UNC5C: variants seen among roughly 807,000 people sequenced by gnomAD.
The protein encoded by UNC5C is unc-5 netrin receptor C, also known as netrin receptor UNC5C.
UNC5C carries 47 observed loss-of-function variants against 99.8 expected under a neutral mutation model. The ratio of observed to expected loss-of-function variants is 0.47; its 90% CI spans 0.37 to 0.60. The LOEUF (loss-of-function observed/expected upper bound fraction) is 0.60. Ranked by LOEUF, UNC5C falls within the 20% of genes least tolerant of loss-of-function variation. The pLI, the probability that UNC5C is intolerant of heterozygous loss-of-function variation, is 0.00. For missense variants in UNC5C, 1,062 were observed against 1,165.9 expected (o/e 0.91, Z 1.30); for synonymous variants, 487 against 452.2 (o/e 1.08, Z -0.98).
chr4:95,339,713 TA>T (rs1442169937), intron 1 of UNC5C, among the ~76,000 whole-genome samples: 1 of 152,098 alleles, frequency 6.6e-6, no homozygotes, highest in African/African-American at 2.4e-5. Flanking sequence ...ACCTTTTCTA[TA>T]AATGCACACC....
intron 1 of UNC5C, among the ~76,000 whole-genome samples, chr4:95,535,548 T>C (rs1335557942): frequency 3.3e-5 from 5 of 152,174 alleles, no homozygotes; most frequent in Non-Finnish European, 7.4e-5. Flanking sequence ...TACAATTCTA[T>C]GATGTAAATA....
chr4:95,544,725 T>C (rs969655476), intron 1 of UNC5C, among the ~76,000 whole-genome samples: 32 of 152,214 alleles, frequency 2.1e-4, no homozygotes, highest in Admixed American at 7.2e-4. Context: ...TGAGGAAATG[T>C]GAACAGGTTT....
At chr4:95,504,875 T>C (rs947006802) in intron 1 of UNC5C, among the ~76,000 whole-genome samples, 1 of 152,082 alleles carries the variant, frequency 6.6e-6, no homozygotes, top group African/African-American at 2.4e-5. Context: ...GGTGGTCTGT[T>C]TTATAGTTTT....
intron 1 of UNC5C, among the ~76,000 whole-genome samples, chr4:95,338,308 T>C (rs1743425288): frequency 6.6e-6 from 1 of 152,102 alleles, no homozygotes; most frequent in Non-Finnish European, 1.5e-5. Context: ...TTAGAAATCA[T>C]CTTTTTACGA....
intron 1 of UNC5C, among the ~76,000 whole-genome samples, chr4:95,395,523 G>C (rs1745486102): frequency 6.6e-6 from 1 of 152,178 alleles, no homozygotes; most frequent in South Asian, 2.1e-4. Context: ...ATAGCTGCCT[G>C]AGAGCAGGTC....
At chr4:95,449,300 C>T (rs539510520) in intron 1 of UNC5C, among the ~76,000 whole-genome samples, 16 of 152,294 alleles carry the variant, frequency 1.1e-4, no homozygotes, top group South Asian at 4.2e-4. Context: ...GGGCCATTGC[C>T]TGTCATGACC....
At chr4:95,368,085 C>T (rs769116729) in intron 1 of UNC5C, among the ~76,000 whole-genome samples, 4 of 152,036 alleles carry the variant, frequency 2.6e-5, no homozygotes, top group African/African-American at 7.2e-5. Flanking sequence ...GTTAGCATAG[C>T]GTATGAATAC....
chr4:95,458,803 G>C (rs1246676302), intron 1 of UNC5C, among the ~76,000 whole-genome samples: 1 of 151,990 alleles, frequency 6.6e-6, no homozygotes, highest in East Asian at 1.9e-4. Flanking sequence ...CAATGAGTAA[G>C]TGCTGTTATT....
chr4:95,184,482 G>A (rs962389787), intron 13 of UNC5C, among the ~76,000 whole-genome samples: 3 of 152,174 alleles, frequency 2.0e-5, no homozygotes, highest in South Asian at 2.1e-4. Context: ...TCAGGCTGAC[G>A]GATGAAGGAG....
chr4:95,220,014 T>C lies in UNC5C; in HGVS notation c.1271A>G (p.Gln424Arg), dbSNP rs1005066859. The C allele has an allele frequency of 1.2e-6, 2 of 1,613,996 alleles. No homozygotes were observed. Among genetic ancestry groups the C allele is most frequent in the East Asian group, 2.2e-5 (1 of 44,898 alleles). Residue 424 changes from glutamine (Q) to arginine (R), a missense_variant, in exon 8 of 16, where the codon CAG becomes CGG. Physicochemically the swap from Gln to Arg is conservative, Grantham distance 43. This residue lies in a region of UNC5C where 810 missense variants were observed against 854.5 expected (regional missense o/e 0.95). Coordinates refer to ENST00000453304, the MANE Select transcript of UNC5C (RefSeq NM_003728.4). ...IDSSALNGGF[Q>R]PVNIKAARQD... ...TCTTGCTGCCTTGATGTTCACAGGC[T>C]GAAAGCCCCCATTGAGTGCCGAAGA... is the stretch of plus-strand genomic sequence containing the variant.
At chr4:95,213,761 G>A (rs985306152) in intron 10 of UNC5C, among the ~76,000 whole-genome samples, 1 of 152,192 alleles carries the variant, frequency 6.6e-6, no homozygotes, top group Non-Finnish European at 1.5e-5. Context: ...CACAGCTCCT[G>A]ATGTCCTCAC....
intron 2 of UNC5C, among the ~76,000 whole-genome samples, chr4:95,322,802 G>A (rs1317058660): frequency 6.6e-6 from 1 of 151,918 alleles, no homozygotes; most frequent in East Asian, 1.9e-4. Context: ...AGCTAGGCAT[G>A]CCAGCAGCAT....
chr4:95,464,479 GC>G (rs1747710733), intron 1 of UNC5C, among the ~76,000 whole-genome samples: 1 of 152,116 alleles, frequency 6.6e-6, no homozygotes, highest in Non-Finnish European at 1.5e-5. Context: ...TATACGAAAG[GC>G]TTTTTTTAAG....
At chr4:95,384,117 T>C (rs1745145746) in intron 1 of UNC5C, among the ~76,000 whole-genome samples, 1 of 152,226 alleles carries the variant, frequency 6.6e-6, no homozygotes. Flanking sequence ...TAGGATGCTA[T>C]GTTCCAAGCC....
intron 1 of UNC5C, among the ~76,000 whole-genome samples, chr4:95,401,459 G>A (rs1260439393): frequency 6.6e-6 from 1 of 151,938 alleles, no homozygotes; most frequent in Non-Finnish European, 1.5e-5. Flanking sequence ...GCACCACTGT[G>A]CCAGGCTAAG....
chr4:95,234,365 A>G (rs1003095870), intron 7 of UNC5C, among the ~76,000 whole-genome samples: 1 of 144,444 alleles, frequency 6.9e-6, no homozygotes, highest in Non-Finnish European at 1.5e-5. Flanking sequence ...AGCAACAAAC[A>G]CGCCAAATCG....
chr4:95,294,560 A>C (rs577399571), intron 3 of UNC5C, among the ~76,000 whole-genome samples: 2 of 152,172 alleles, frequency 1.3e-5, no homozygotes, highest in Non-Finnish European at 2.9e-5. Flanking sequence ...TCATGACTGT[A>C]GGATAAGGGT....
At chr4:95,383,635 T>C (rs1257696060) in intron 1 of UNC5C, among the ~76,000 whole-genome samples, 3 of 152,166 alleles carry the variant, frequency 2.0e-5, no homozygotes, top group African/African-American at 7.2e-5. Context: ...GAGATTTCCA[T>C]GATATGGAAA....
intron 1 of UNC5C, among the ~76,000 whole-genome samples, chr4:95,537,685 T>A (rs1019408976): frequency 2.0e-5 from 3 of 152,176 alleles, no homozygotes; most frequent in African/African-American, 7.2e-5. Flanking sequence ...TATGGGTGTG[T>A]CAAACTTCAA....
Sources: gnomAD v4.1 joint callset for allele counts (sites outside exome capture counted in the v4.1 genomes callset) on GRCh38, gnomAD v4.1.1 for gene constraint, gnomAD v4.1.1 regional missense constraint, MANE v1.5 for transcripts, NCBI Gene and HGNC (gene_info 2026-07-23, HGNC 2026-07-21) for gene names.